The following CALN1 variants were observed in gnomAD, a reference collection of about 807,000 sequenced individuals.
CALN1 encodes the protein calneuron 1.
CALN1 carries 17 observed loss-of-function variants against 30.6 expected under a neutral mutation model. That is an observed-to-expected ratio of 0.56 (90% CI 0.38 to 0.83). CALN1 has a LOEUF of 0.83. Among genes scored for constraint, CALN1 ranks in the 40% least tolerant of loss-of-function variants. The pLI is 0.00. For synonymous variants in CALN1, 156 were observed against 131.4 expected, an observed-to-expected ratio of 1.19 and a Z score of -1.28; for missense variants, 291 against 354.9, an observed-to-expected ratio of 0.82 and a Z score of 1.45.
intron 1 of CALN1, among the ~76,000 whole-genome samples, chr7:72,429,099 A>G (rs915922605): frequency 6.6e-6 from 1 of 152,240 alleles, no homozygotes; most frequent in African/African-American, 2.4e-5. Context: ...AGTCTGCCCA[A>G]TAGATCATTC....
chr7:71,794,589 G>T (rs372891973), intron 6 of CALN1, among the ~76,000 whole-genome samples: 1 of 152,094 alleles, frequency 6.6e-6, no homozygotes, highest in African/African-American at 2.4e-5. Flanking sequence ...CTCATCTCAA[G>T]AATTATTTCA....
chr7:71,862,153 C>T (rs1013941434), intron 5 of CALN1, among the ~76,000 whole-genome samples: 8 of 152,212 alleles, frequency 5.3e-5, no homozygotes, highest in Non-Finnish European at 1.0e-4. Flanking sequence ...TGCAAAGGTA[C>T]CTGCTGTAAG....
intron 3 of CALN1, among the ~76,000 whole-genome samples, chr7:72,263,474 G>A (rs1480568102): frequency 6.6e-6 from 1 of 151,976 alleles, no homozygotes; most frequent in Non-Finnish European, 1.5e-5. Context: ...TGGCTCTCTG[G>A]AGCCTCAAAT....
At chr7:72,144,807 G>A (rs997092240) in intron 3 of CALN1, among the ~76,000 whole-genome samples, 1 of 152,128 alleles carries the variant, frequency 6.6e-6, no homozygotes, top group African/African-American at 2.4e-5. Context: ...TTAGAACTTA[G>A]GATTAAGAAA....
intron 5 of CALN1, among the ~76,000 whole-genome samples, chr7:71,864,219 C>T (rs1562852222): frequency 1.3e-5 from 2 of 152,184 alleles, no homozygotes; most frequent in African/African-American, 2.4e-5. Context: ...TTATAACCTC[C>T]TTCACTTGAG....
At chr7:72,249,952 A>G (rs1795439592) in intron 3 of CALN1, among the ~76,000 whole-genome samples, 1 of 149,780 alleles carries the variant, frequency 6.7e-6, no homozygotes, top group South Asian at 2.1e-4. Flanking sequence ...AAACCAAAAA[A>G]AAAAAAAAGA....
intron 5 of CALN1, among the ~76,000 whole-genome samples, chr7:71,830,476 T>C: frequency 6.6e-6 from 1 of 152,104 alleles, no homozygotes; most frequent in East Asian, 1.9e-4. Context: ...GCCTCCTGAA[T>C]GGCTGGAAGT....
chr7:72,114,948 C>G (rs1184567723), intron 3 of CALN1, among the ~76,000 whole-genome samples: 1 of 151,570 alleles, frequency 6.6e-6, no homozygotes, highest in African/African-American at 2.4e-5. Context: ...GAGCCAAGAT[C>G]ATATCATTGC....
intron 5 of CALN1, among the ~76,000 whole-genome samples, chr7:71,832,990 T>A (rs1453559221): frequency 6.6e-6 from 1 of 152,238 alleles, no homozygotes; most frequent in East Asian, 1.9e-4. Flanking sequence ...CCAGCCATTC[T>A]ACTTAGTGGC....
intron 2 of CALN1, among the ~76,000 whole-genome samples, chr7:72,334,596 C>A (rs1339509145): frequency 6.6e-6 from 1 of 152,128 alleles, no homozygotes; most frequent in East Asian, 1.9e-4. Context: ...TCAACAGAAG[C>A]AGCTGAATTA....
chr7:72,206,576 G>C (rs731238), intron 3 of CALN1, among the ~76,000 whole-genome samples: 3 of 151,964 alleles, frequency 2.0e-5, no homozygotes, highest in Admixed American at 1.3e-4. Flanking sequence ...TCTTGTTTTA[G>C]AGTCTGTTTC....
intron 3 of CALN1, among the ~76,000 whole-genome samples, chr7:72,187,208 G>C (rs1790269627): frequency 6.6e-6 from 1 of 152,112 alleles, no homozygotes; most frequent in Admixed American, 6.6e-5. Flanking sequence ...GGATGAAAAA[G>C]ATTCCTGGGT....
At chr7:72,347,236 CTTTTTT>C (rs112169784) in intron 2 of CALN1, among the ~76,000 whole-genome samples, 1 of 145,920 alleles carries the variant, frequency 6.9e-6, no homozygotes, top group African/African-American at 2.5e-5. Context: ...AATTTTTTTT[CTTTTTT>C]TTTTTCCTTT....
At chr7:71,850,042 C>G (rs1790546559) in intron 5 of CALN1, among the ~76,000 whole-genome samples, 1 of 152,172 alleles carries the variant, frequency 6.6e-6, no homozygotes, top group African/African-American at 2.4e-5. Context: ...GAAAAAGCCT[C>G]ACACCTGCGT....
chr7:72,456,323 G>A, the CALN1 span, among the ~76,000 whole-genome samples: 2 of 152,026 alleles, frequency 1.3e-5, no homozygotes, highest in Admixed American at 6.6e-5. Context: ...AGGAGTTCTA[G>A]ACCAGCCTGG....
At position 71,872,377 on chromosome 7, in the gene CALN1, C is replaced by T. The variant is rs77301067; in HGVS notation, c.502-61885G>A. 5.0e-3 allele frequency among the ~76,000 whole-genome samples: 761 copies of T among 152,300 alleles called. 4 individuals are homozygous for T. Among genetic ancestry groups the T allele is most frequent in the Non-Finnish European group, 7.8e-3 (534 of 68,040 alleles). On this transcript the variant is annotated intron_variant, in intron 5 of 6. Coordinates refer to ENST00000395275, the MANE Select transcript of CALN1 (RefSeq NM_031468.4). ...TTTTCAGAAATTATTCTAAGCTCTG[C>T]AGAATCTGTCCTTATTTTAACTTAG...
At chr7:72,241,633 G>A (rs752016321) in intron 3 of CALN1, among the ~76,000 whole-genome samples, 1 of 152,062 alleles carries the variant, frequency 6.6e-6, no homozygotes, top group African/African-American at 2.4e-5. Context: ...TTGAATCCAG[G>A]AGGCAGAGGT....
chr7:72,490,690 A>G, the CALN1 span, among the ~76,000 whole-genome samples: 3 of 152,124 alleles, frequency 2.0e-5, no homozygotes, highest in East Asian at 1.9e-4. Flanking sequence ...TAAAGTGTGT[A>G]GTACTTCCCC....
intron 3 of CALN1, among the ~76,000 whole-genome samples, chr7:72,156,216 G>A (rs1051271367): frequency 2.0e-5 from 3 of 152,120 alleles, no homozygotes; most frequent in Non-Finnish European, 4.4e-5. Flanking sequence ...GGACTTCCAT[G>A]TTTAAGCAAA....
Sources: allele counts gnomAD v4.1 joint callset (sites outside exome capture counted in the v4.1 genomes callset), GRCh38; gene constraint gnomAD v4.1.1; transcripts MANE v1.5; gene names NCBI Gene and HGNC (gene_info 2026-07-23, HGNC 2026-07-21).